The following SULF1 variants were observed in gnomAD, a reference collection of about 807,000 sequenced individuals.
The protein encoded by SULF1 is extracellular sulfatase Sulf-1.
Under a neutral mutation model 110.5 loss-of-function variants are expected in SULF1, and 46 were observed. The observed-to-expected ratio is 0.42, with a 90% CI of 0.33 to 0.53. The LOEUF (loss-of-function observed/expected upper bound fraction) is 0.53. Ranked by LOEUF, SULF1 falls within the 20% of genes least tolerant of loss-of-function variation. SULF1 has a pLI of 0.12. For synonymous variants in SULF1, 371 were observed against 387.1 expected (o/e 0.96, Z 0.49); for missense variants, 941 against 1,094.2 (o/e 0.86, Z 1.98).
At chr8:69,620,952 AAAG>A in intron 13 of SULF1, 80 bp from the exon 14 acceptor site, 1 of 1,253,970 alleles carries the variant, frequency 8.0e-7, no homozygotes, top group Non-Finnish European at 1.1e-6. Flanking sequence ...AAAAAAGAAA[AAAG>A]AAAAAAACTA....
rs567707422 is a variant in SULF1, at chr8:69,622,405, G to C, written c.1594+1154G>C. Among the ~76,000 whole-genome samples the C allele has an allele frequency of 3.0e-4, 46 of 152,074 alleles. 1 individual carries two copies. In the East Asian group the frequency reaches 8.3e-3, roughly 28 times the overall value. On this transcript the variant is annotated intron_variant, in intron 14 of 22. Transcript: ENST00000402687. ...ACCAGCCTGACCAAACTGGTGAAAC[G>C]CCATCTCTACTAAAATTACAAAAAA...
At chr8:69,641,442 G>A (rs1191410968) in intron 22 of SULF1, among the ~76,000 whole-genome samples, 5 of 152,108 alleles carry the variant, frequency 3.3e-5, no homozygotes, top group East Asian at 3.9e-4. Context: ...ACAGAGTACC[G>A]GGAGTCAAGA....
rs149050558 is a variant in SULF1 at position 69,570,188 on chromosome 8, T to TGTC, written c.173-5781_173-5779dup. Among the ~76,000 whole-genome samples, 141 of 152,310 alleles carry TGTC rather than the reference T, an allele frequency of 9.3e-4. 1 individual carries two copies. The East Asian group carries it at 0.024, about 26-fold the overall frequency. On this transcript the variant is annotated intron_variant, in intron 5 of 22. Transcript: ENST00000402687. ...AGTAAGAGCTGGGTTTGCTTGTTGT[T>TGTC]GTCAATCTTCAAACCATGAATGCTC...
At chr8:69,573,464 C>T (rs573775852) in intron 5 of SULF1, among the ~76,000 whole-genome samples, 26 of 152,224 alleles carry the variant, frequency 1.7e-4, no homozygotes, top group African/African-American at 5.1e-4. Flanking sequence ...TACAGTGCTG[C>T]GATTCAGAAC....
chr8:69,573,415 C>A (rs911449160), intron 5 of SULF1, among the ~76,000 whole-genome samples: 1 of 152,170 alleles, frequency 6.6e-6, no homozygotes, highest in Non-Finnish European at 1.5e-5. Flanking sequence ...CTACCTCGGT[C>A]CCATATTTGT....
chr8:69,638,976 G>C, intron 21 of SULF1, 118 bp downstream of exon 21: 1 of 1,051,482 alleles, frequency 9.5e-7, no homozygotes. Flanking sequence ...ACTTAGAGGA[G>C]ACACTTTCCA....
intron 5 of SULF1, among the ~76,000 whole-genome samples, chr8:69,571,428 G>A (rs1805224120): frequency 1.3e-5 from 2 of 152,146 alleles, no homozygotes; most frequent in East Asian, 1.9e-4. Context: ...AGGCTAAGCT[G>A]TGGCAAAATC....
Position 69,485,914 on chromosome 8 carries a change from C to A in SULF1, c.-390-9851C>A, listed in dbSNP as rs183161869. 2.0e-5 allele frequency among the ~76,000 whole-genome samples: 3 copies of A among 152,234 alleles called. No individual in the cohort carries two copies. In the East Asian group the frequency reaches 5.8e-4, roughly 29 times the overall value. ...AAAACTTTCTTAAGATTTCAAACACCAACCCTAACACTCTGAGTTTACCTG... is the reference window on the plus strand; with the variant it reads ...AAAACTTTCTTAAGATTTCAAACACAAACCCTAACACTCTGAGTTTACCTG... On this transcript the variant is annotated intron_variant, in intron 1 of 22. Coordinates refer to the SULF1 transcript ENST00000260128.
At chr8:69,575,849 C>T in intron 5 of SULF1, 121 bp from the exon 6 acceptor site, 1 of 1,175,956 alleles carries the variant, frequency 8.5e-7, no homozygotes, top group South Asian at 1.6e-5. Context: ...AAATTATAGA[C>T]TCCTTTAAGC....
At chr8:69,617,107 G>C (rs978284070) in intron 13 of SULF1, among the ~76,000 whole-genome samples, 4 of 151,848 alleles carry the variant, frequency 2.6e-5, no homozygotes, top group Non-Finnish European at 4.4e-5. Flanking sequence ...ACTTTGCAAA[G>C]TTACGAAAAG....
At chr8:69,620,000 G>A (rs950435007) in intron 13 of SULF1, among the ~76,000 whole-genome samples, 23 of 152,164 alleles carry the variant, frequency 1.5e-4, no homozygotes, top group Admixed American at 7.2e-4. Context: ...CTCTTGCCTA[G>A]CTCTTGGAAG....
In SULF1 at chr8:69,537,386, C is replaced by T. The variant is rs78525815; in HGVS notation, c.-133-26153C>T. 3.2e-4 allele frequency among the ~76,000 whole-genome samples: 49 copies of T among 152,312 alleles called. No individual in the cohort carries two copies. The East Asian group carries it at 9.1e-3, about 28-fold the overall frequency. On this transcript the variant is annotated intron_variant, in intron 3 of 22. Coordinates refer to ENST00000402687, the MANE Select transcript of SULF1 (RefSeq NM_001128205.2). ...TTCATACATTTCTTTTTAATAACCTCAACCTTGTCTTCTATGAAATAGAGT... is the reference window on the plus strand; with the variant it reads ...TTCATACATTTCTTTTTAATAACCTTAACCTTGTCTTCTATGAAATAGAGT...
intron 19 of SULF1, among the ~76,000 whole-genome samples, chr8:69,636,749 A>G (rs1422099100): frequency 6.6e-6 from 1 of 152,164 alleles, no homozygotes; most frequent in African/African-American, 2.4e-5. Flanking sequence ...GTTGTGTGAC[A>G]TTCAGTCAGG....
intron 10 of SULF1, 83 bp downstream of exon 10, chr8:69,601,912 G>T: frequency 7.1e-7 from 1 of 1,403,626 alleles, no homozygotes; most frequent in Non-Finnish European, 9.6e-7. Context: ...TCAGTATCTG[G>T]TTTCCTTTCA....
At chr8:69,591,261 C>T (rs1806874456) in intron 8 of SULF1, among the ~76,000 whole-genome samples, 1 of 152,016 alleles carries the variant, frequency 6.6e-6, no homozygotes, top group African/African-American at 2.4e-5. Context: ...TTTTGAAAAA[C>T]ATCTCTGTGC....
rs1366286131 is a variant in SULF1 at position 69,495,849 on chromosome 8, A to G, written c.-306A>G. ...TTCTTACCTGGTCATTATTTAGTCT[A>G]CAATAAGTTCATCCTTCTTCAGTGT... is the stretch of plus-strand genomic sequence containing the variant. On this transcript the variant is annotated 5_prime_UTR_variant, in exon 2 of 23. Coordinates refer to ENST00000402687, the MANE Select transcript of SULF1 (RefSeq NM_001128205.2). 3.9e-5 allele frequency: 6 copies of G among 152,268 alleles called. No individual in the cohort carries two copies. The highest frequency in any genetic ancestry group is 1.4e-4 in the African/African-American group (6 of 41,472). The allele number at this position is 152,268 out of a possible 1,614,324, so 9.4% of individuals were successfully genotyped here. A position where few individuals can be genotyped will look rare whatever the true frequency, so the allele number is the denominator to read the frequency against.
rs544255347 is a variant in SULF1, at chr8:69,497,456, C to T, written c.-229+1530C>T. ...CAGGCATGAGCCACCAGGCCCGGCCCAGAATGTTCTTAAGCAACAAGACTA... is the reference window on the plus strand; with the variant it reads ...CAGGCATGAGCCACCAGGCCCGGCCTAGAATGTTCTTAAGCAACAAGACTA... On this transcript the variant is annotated intron_variant, in intron 2 of 22. Transcript: ENST00000402687. Among the ~76,000 whole-genome samples, 13 of 152,174 alleles carry T rather than the reference C, an allele frequency of 8.5e-5. No homozygotes were observed. The South Asian group carries it at 2.7e-3, about 32-fold the overall frequency.
chr8:69,656,303 T>C (rs1812724192), intron 22 of SULF1, among the ~76,000 whole-genome samples: 1 of 152,256 alleles, frequency 6.6e-6, no homozygotes, highest in African/African-American at 2.4e-5. Flanking sequence ...ATTTTTGTTG[T>C]TGTCGTTGTT....
At chr8:69,617,347 C>G (rs1375126213) in intron 13 of SULF1, among the ~76,000 whole-genome samples, 2 of 121,706 alleles carry the variant, frequency 1.6e-5, no homozygotes, top group Non-Finnish European at 3.3e-5. Flanking sequence ...GATGTATATA[C>G]CACAGGCATG....
Sources: gnomAD v4.1 joint callset for allele counts (sites outside exome capture counted in the v4.1 genomes callset) on GRCh38, gnomAD v4.1.1 for gene constraint, MANE v1.5 for transcripts, NCBI Gene and HGNC (gene_info 2026-07-23, HGNC 2026-07-21) for gene names.